The following FOXP2 variants were observed in gnomAD, a reference collection of about 807,000 sequenced individuals.
The protein encoded by FOXP2 is forkhead box protein P2.
In FOXP2, 12 loss-of-function variants were observed where a neutral mutation model predicts 115.8. The ratio of observed to expected loss-of-function variants is 0.10; its 90% confidence interval spans 0.07 to 0.17. FOXP2 has a LOEUF of 0.17. FOXP2 is among the 10% of genes least tolerant of loss of function. The pLI, the probability that FOXP2 is intolerant of heterozygous loss-of-function variation, is 1.00. For synonymous variants in FOXP2, 328 were observed against 297.7 expected (o/e 1.10, Z -1.05); for missense variants, 629 against 843.5 (o/e 0.75, Z 3.15).
At chr7:114,460,517 G>A (rs535021445) in intron 2 of FOXP2, among the ~76,000 whole-genome samples, 1 of 152,166 alleles carries the variant, frequency 6.6e-6, no homozygotes, top group African/African-American at 2.4e-5. Context: ...GGATACTGTA[G>A]TGCAGAGGTA....
intron 10 of FOXP2, 133 bp downstream of exon 10, chr7:114,654,142 A>C: frequency 1.3e-6 from 2 of 1,554,864 alleles, no homozygotes; most frequent in Non-Finnish European, 1.7e-6. Context: ...AGTAAAATGT[A>C]ATCGCTTGTC....
At chr7:114,446,084 TA>T (rs1356951582) in intron 2 of FOXP2, among the ~76,000 whole-genome samples, 8 of 152,102 alleles carry the variant, frequency 5.3e-5, no homozygotes, top group Non-Finnish European at 1.2e-4. Context: ...ATAAGTCTGA[TA>T]TTTTTAGAGC....
At chr7:114,548,310 C>T (rs1800033887) in intron 3 of FOXP2, among the ~76,000 whole-genome samples, 1 of 152,180 alleles carries the variant, frequency 6.6e-6, no homozygotes, top group African/African-American at 2.4e-5. Context: ...ATATGAATAC[C>T]CATCACTTCA....
intron 1 of FOXP2, among the ~76,000 whole-genome samples, chr7:114,240,737 C>G (rs1046675353): frequency 2.6e-5 from 4 of 151,842 alleles, no homozygotes; most frequent in African/African-American, 9.7e-5. Flanking sequence ...CTGTTCTTCT[C>G]TGGCAATAAT....
chr7:114,195,700 G>A (rs1584537814), intron 1 of FOXP2, among the ~76,000 whole-genome samples: 2 of 152,030 alleles, frequency 1.3e-5, no homozygotes, highest in South Asian at 2.1e-4. Context: ...TTATGGTTAT[G>A]ATTCTTCCTA....
intron 1 of FOXP2, among the ~76,000 whole-genome samples, chr7:114,273,076 A>G (rs1796107005): frequency 6.6e-6 from 1 of 151,918 alleles, no homozygotes; most frequent in South Asian, 2.1e-4. Context: ...ATTGCATTTA[A>G]TATGATAAAT....
chr7:114,148,091 C>T (rs954172557), intron 1 of FOXP2, among the ~76,000 whole-genome samples: 1 of 152,302 alleles, frequency 6.6e-6, no homozygotes, highest in African/African-American at 2.4e-5. Context: ...CACATAAATA[C>T]TCACAGCTTG....
At chr7:114,377,699 T>C (rs1792177136) in intron 2 of FOXP2, among the ~76,000 whole-genome samples, 2 of 152,234 alleles carry the variant, frequency 1.3e-5, no homozygotes, top group African/African-American at 4.8e-5. Flanking sequence ...AATGGTCTCC[T>C]GGAAGCTTTC....
At position 114,503,181 on chromosome 7, in the gene FOXP2, G is replaced by A. The variant is rs765346235; in HGVS notation, c.169-31436G>A. Among the ~76,000 whole-genome samples the A allele has an allele frequency of 1.8e-4, 28 of 151,892 alleles. 1 individual carries two copies. The highest frequency in any genetic ancestry group is 2.4e-4 in the Non-Finnish European group (16 of 67,838). On this transcript the variant is annotated intron_variant, in intron 2 of 16. Coordinates refer to ENST00000350908, the MANE Select transcript of FOXP2 (RefSeq NM_014491.4). The stretch of plus-strand genomic sequence containing the variant: ...TCTCCTCAAGCAAAATATATCCTGA[G>A]TCAGTCTGCTATTTTTTATACATTT...
chr7:114,196,527 T>G (rs926860218), intron 1 of FOXP2, among the ~76,000 whole-genome samples: 1 of 152,208 alleles, frequency 6.6e-6, no homozygotes, highest in African/African-American at 2.4e-5. Flanking sequence ...TAAATTTAGT[T>G]TGGTATTCTG....
At chr7:114,280,145 A>G (rs988134654) in intron 1 of FOXP2, among the ~76,000 whole-genome samples, 1 of 151,792 alleles carries the variant, frequency 6.6e-6, no homozygotes, top group East Asian at 1.9e-4. Context: ...TTTTGAAGAA[A>G]TTCTTTTTTC....
intron 15 of FOXP2, 50 bp downstream of exon 15, chr7:114,663,569 T>C (rs773094344): frequency 7.0e-7 from 1 of 1,418,926 alleles, no homozygotes; most frequent in Non-Finnish European, 9.9e-7. Context: ...GGGCTTTTTT[T>C]TTTTTTTTGG....
At chr7:114,668,539 A>G (rs1449152508) in intron 16 of FOXP2, 1 of 151,966 alleles carries the variant, frequency 6.6e-6, no homozygotes, top group Non-Finnish European at 1.5e-5. Context: ...TTTTTTTCCA[A>G]GAGGGTTTCC....
At chr7:114,173,915 A>G (rs1242655035) in intron 1 of FOXP2, among the ~76,000 whole-genome samples, 2 of 151,822 alleles carry the variant, frequency 1.3e-5, no homozygotes, top group African/African-American at 2.4e-5. Context: ...CCATTTTTGC[A>G]TTTGCAGACC....
At chr7:114,135,975 T>TAC (rs1792027725) in intron 1 of FOXP2, among the ~76,000 whole-genome samples, 1 of 152,112 alleles carries the variant, frequency 6.6e-6, no homozygotes, top group Non-Finnish European at 1.5e-5. Flanking sequence ...ATGTCTTGTA[T>TAC]ACACCTAATG....
At chr7:114,309,541 G>C (rs905233964) in intron 2 of FOXP2, among the ~76,000 whole-genome samples, 1 of 152,144 alleles carries the variant, frequency 6.6e-6, no homozygotes, top group African/African-American at 2.4e-5. Flanking sequence ...GGACAGGCTT[G>C]ATCAGCATCT....
chr7:114,611,162 T>A (rs1401350955), intron 3 of FOXP2, among the ~76,000 whole-genome samples: 1 of 152,194 alleles, frequency 6.6e-6, no homozygotes, highest in African/African-American at 2.4e-5. Flanking sequence ...AAGAAATGCA[T>A]ATGTAAACTC....
intron 2 of FOXP2, among the ~76,000 whole-genome samples, chr7:114,407,000 G>T (rs1793052384): frequency 6.6e-6 from 1 of 151,912 alleles, no homozygotes; most frequent in Admixed American, 6.6e-5. Flanking sequence ...AAGAAGGGAA[G>T]GAGAGAACCA....
intron 6 of FOXP2, among the ~76,000 whole-genome samples, chr7:114,636,491 A>C (rs185069751): frequency 2.8e-4 from 43 of 152,294 alleles, no homozygotes; most frequent in Middle Eastern, 6.8e-3. Context: ...CTTAGAAAAT[A>C]AGTAGCGTAT....
Sources: allele counts gnomAD v4.1 joint callset (sites outside exome capture counted in the v4.1 genomes callset), GRCh38; gene constraint gnomAD v4.1.1; transcripts MANE v1.5; gene names NCBI Gene and HGNC (gene_info 2026-07-23, HGNC 2026-07-21).